Variants in GLIS1 observed in about 807,000 individuals in gnomAD.
The protein encoded by GLIS1 is GLIS family zinc finger 1, also known as zinc finger protein GLIS1.
A neutral mutation model predicts 63.8 loss-of-function variants in GLIS1; 24 were observed. The ratio of observed to expected loss-of-function variants is 0.38; its 90% CI spans 0.27 to 0.53. The LOEUF is 0.53. Ranked by LOEUF, GLIS1 falls within the 20% of genes least tolerant of loss-of-function variation. The pLI, the probability that GLIS1 is intolerant of heterozygous loss-of-function variation, is 0.85. For missense variants in GLIS1, 1,036 were observed against 1,074.1 expected (o/e 0.96, Z 0.50); for synonymous variants, 450 against 482.5 (o/e 0.93, Z 0.88).
chr1:53,694,914 C>T (rs971928297), intron 2 of GLIS1, among the ~76,000 whole-genome samples: 2 of 152,134 alleles, frequency 1.3e-5, no homozygotes, highest in Non-Finnish European at 2.9e-5. Flanking sequence ...CCACTGCACT[C>T]CAGCCTGGGC....
intron 2 of GLIS1, among the ~76,000 whole-genome samples, chr1:53,632,389 G>A (rs1645664784): frequency 6.6e-6 from 1 of 151,404 alleles, no homozygotes; most frequent in Non-Finnish European, 1.5e-5. Flanking sequence ...GAGTGTGACT[G>A]AGGGGTGTTT....
intron 4 of GLIS1, among the ~76,000 whole-genome samples, chr1:53,565,572 TAA>T (rs1644930028): frequency 6.6e-6 from 1 of 151,856 alleles, no homozygotes; most frequent in Non-Finnish European, 1.5e-5. Context: ...GATTAAAAAA[TAA>T]GAGAACACTA....
chr1:53,563,876 C>T (rs1644913118), intron 4 of GLIS1, among the ~76,000 whole-genome samples: 1 of 152,132 alleles, frequency 6.6e-6, no homozygotes, highest in South Asian at 2.1e-4. Context: ...AAATCCATTG[C>T]CAGAGGCAAC....
chr1:53,610,295 G>A (rs904783856), intron 2 of GLIS1, among the ~76,000 whole-genome samples: 1 of 152,060 alleles, frequency 6.6e-6, no homozygotes, highest in African/African-American at 2.4e-5. Context: ...CCTTCATCCT[G>A]TTTCCATATG....
chr1:53,605,342 C>A (rs532511314), intron 2 of GLIS1, among the ~76,000 whole-genome samples: 1 of 152,106 alleles, frequency 6.6e-6, no homozygotes, highest in Non-Finnish European at 1.5e-5. Context: ...ATCAGGGTGG[C>A]CTGACCCTTC....
At chr1:53,676,608 G>A (rs111746766) in intron 2 of GLIS1, among the ~76,000 whole-genome samples, 17 of 152,138 alleles carry the variant, frequency 1.1e-4, no homozygotes, top group African/African-American at 2.9e-4. Context: ...CACCCCGCAC[G>A]CACCCCCAGC....
At chr1:53,685,957 C>G (rs1270953202) in intron 2 of GLIS1, among the ~76,000 whole-genome samples, 2 of 152,212 alleles carry the variant, frequency 1.3e-5, no homozygotes, top group Admixed American at 1.3e-4. Flanking sequence ...CACTCCCTCT[C>G]ATGCATGGGT....
chr1:53,624,469 T>C (rs1645574857), intron 2 of GLIS1, among the ~76,000 whole-genome samples: 1 of 152,124 alleles, frequency 6.6e-6, no homozygotes, highest in Non-Finnish European at 1.5e-5. Context: ...AGGCAAAGGC[T>C]TCTTAGAACA....
chr1:53,648,920 T>C (rs1645875814), intron 2 of GLIS1, among the ~76,000 whole-genome samples: 1 of 152,248 alleles, frequency 6.6e-6, no homozygotes, highest in Admixed American at 6.5e-5. Flanking sequence ...TACATTCACC[T>C]TGTGATATTC....
intron 2 of GLIS1, among the ~76,000 whole-genome samples, chr1:53,682,173 T>C (rs796832067): frequency 2.3e-4 from 35 of 152,200 alleles, no homozygotes; most frequent in African/African-American, 8.4e-4. Context: ...GAGGCACCCC[T>C]CTGCCTCTAC....
At chr1:53,663,074 C>A (rs116350914) in intron 2 of GLIS1, among the ~76,000 whole-genome samples, 2,381 of 152,250 alleles carry the variant, frequency 0.016, 46 homozygotes, top group African/African-American at 0.053. Context: ...CCACTGAGCT[C>A]CATGGCCACT....
intron 4 of GLIS1, among the ~76,000 whole-genome samples, chr1:53,584,181 A>G (rs986469765): frequency 3.3e-5 from 5 of 152,174 alleles, no homozygotes; most frequent in African/African-American, 1.2e-4. Flanking sequence ...CCCATATCAC[A>G]GTCCTGTGTA....
intron 4 of GLIS1, among the ~76,000 whole-genome samples, chr1:53,571,725 C>T (rs532015549): frequency 6.6e-5 from 10 of 152,094 alleles, no homozygotes; most frequent in Admixed American, 6.5e-4. Flanking sequence ...TATAGGCGCC[C>T]GCCACCATGC....
intron 4 of GLIS1, among the ~76,000 whole-genome samples, chr1:53,532,603 C>T (rs973470115): frequency 1.3e-5 from 2 of 152,250 alleles, no homozygotes; most frequent in Non-Finnish European, 2.9e-5. Context: ...CTGCAATGGC[C>T]TTGTGCCAAG....
intron 4 of GLIS1, among the ~76,000 whole-genome samples, chr1:53,569,591 G>A (rs1644965372): frequency 6.6e-6 from 1 of 152,060 alleles, no homozygotes; most frequent in Non-Finnish European, 1.5e-5. Flanking sequence ...GCAAGACAAG[G>A]AGGTCTACTA....
chr1:53,737,499 G>C (rs1317430509), intron 2 of GLIS1, among the ~76,000 whole-genome samples: 1 of 152,142 alleles, frequency 6.6e-6, no homozygotes, highest in African/African-American at 2.4e-5. Context: ...GTTGCTATTC[G>C]CCCTCATGTA....
At chr1:53,672,362 G>T (rs2100399377) in intron 2 of GLIS1, among the ~76,000 whole-genome samples, 1 of 152,320 alleles carries the variant, frequency 6.6e-6, no homozygotes, top group South Asian at 2.1e-4. Context: ...CTACCCACCT[G>T]ACTCAACTCA....
chr1:53,610,530 A>G (rs1645415089), intron 2 of GLIS1, among the ~76,000 whole-genome samples: 1 of 152,236 alleles, frequency 6.6e-6, no homozygotes, highest in African/African-American at 2.4e-5. Flanking sequence ...TTTCTATTGG[A>G]AAGTCATCTC....
intron 2 of GLIS1, among the ~76,000 whole-genome samples, chr1:53,697,313 C>T (rs1646475386): frequency 6.6e-6 from 1 of 152,254 alleles, no homozygotes; most frequent in African/African-American, 2.4e-5. Flanking sequence ...CTTAGCTTGG[C>T]ATTCAAGGCC....
Sources: gnomAD v4.1 joint callset for allele counts (sites outside exome capture counted in the v4.1 genomes callset) on GRCh38, gnomAD v4.1.1 for gene constraint, MANE v1.5 for transcripts, NCBI Gene and HGNC (gene_info 2026-07-23, HGNC 2026-07-21) for gene names.